The following ATF7IP2 variants were observed in gnomAD, a reference collection of about 807,000 sequenced individuals.
The protein encoded by ATF7IP2 is activating transcription factor 7 interacting protein 2, also known as activating transcription factor 7-interacting protein 2.
Under a neutral mutation model 64.2 loss-of-function variants are expected in ATF7IP2, and 42 were observed. The ratio of observed to expected loss-of-function variants is 0.65; its 90% CI spans 0.51 to 0.85. The LOEUF (loss-of-function observed/expected upper bound fraction) is 0.85. Among genes scored for constraint, ATF7IP2 ranks in the 40% least tolerant of loss-of-function variants. ATF7IP2 has a pLI of 0.00. For synonymous variants in ATF7IP2, 308 were observed against 272.8 expected, an observed-to-expected ratio of 1.13 and a Z score of -1.27; for missense variants, 933 against 784.2, an observed-to-expected ratio of 1.19 and a Z score of -2.27.
intron 8 of ATF7IP2, chr16:10,445,564 G>C (rs1192922172): frequency 6.6e-6 from 1 of 152,250 alleles, no homozygotes; most frequent in East Asian, 1.9e-4. Context: ...GAGTGCAATG[G>C]TGTGATCTTG....
At chr16:10,464,648 A>G (rs550030389) in intron 9 of ATF7IP2, among the ~76,000 whole-genome samples, 16 of 152,328 alleles carry the variant, frequency 1.1e-4, no homozygotes, top group South Asian at 2.1e-4. Flanking sequence ...CATTTCACCA[A>G]TACTGATTGA....
intron 1 of ATF7IP2, among the ~76,000 whole-genome samples, chr16:10,401,183 T>A (rs1432423993): frequency 6.6e-6 from 1 of 152,198 alleles, no homozygotes; most frequent in Non-Finnish European, 1.5e-5. Context: ...TTATTTATTT[T>A]TGAGATGGAG....
chr16:10,473,618 A>G (rs2049888927), intron 11 of ATF7IP2, 84 bp downstream of exon 11: 1 of 1,020,432 alleles, frequency 9.8e-7, no homozygotes, highest in African/African-American at 1.6e-5. Context: ...ATGTTGGATG[A>G]TTTAGTTTTA....
chr16:10,444,853 G>C (rs1185482742), intron 8 of ATF7IP2, among the ~76,000 whole-genome samples: 1 of 152,000 alleles, frequency 6.6e-6, no homozygotes, highest in African/African-American at 2.4e-5. Context: ...TCAAACCTGG[G>C]TACAATATTT....
intron 1 of ATF7IP2, among the ~76,000 whole-genome samples, chr16:10,407,814 CA>C (rs1255610297): frequency 1.3e-5 from 2 of 152,010 alleles, no homozygotes; most frequent in African/African-American, 2.4e-5. Flanking sequence ...CCCCATAGTT[CA>C]TTGTATCATT....
At position 10,480,699 on chromosome 16, in the gene ATF7IP2, AT is replaced by A. The variant is rs147399363; in HGVS notation, c.1550-176del. 7.9e-3 allele frequency among the ~76,000 whole-genome samples: 1,197 copies of A among 150,912 alleles called. 12 individuals are homozygous for A. The highest frequency in any genetic ancestry group is 0.027 in the African/African-American group (1,114 of 40,984). On this transcript the variant is annotated intron_variant, in intron 12 of 13. Transcript: ENST00000562102. ...AAGGGGAATTTTTGTCACCTTAAAA[AT>A]TTTCTATATTTGGTACCTCTGTATC...
chr16:10,468,587 G>A (rs1030196955), intron 9 of ATF7IP2, among the ~76,000 whole-genome samples: 1 of 152,212 alleles, frequency 6.6e-6, no homozygotes, highest in African/African-American at 2.4e-5. Context: ...TGGTCTTGCT[G>A]AGTTTAGGTC....
chr16:10,429,585 G>C (rs1376418634), intron 4 of ATF7IP2, among the ~76,000 whole-genome samples: 1 of 152,134 alleles, frequency 6.6e-6, no homozygotes, highest in Non-Finnish European at 1.5e-5. Flanking sequence ...CTGACCTCAG[G>C]TGATCCACCT....
chr16:10,392,427 G>C (rs765966799), intron 1 of ATF7IP2, among the ~76,000 whole-genome samples: 2 of 151,512 alleles, frequency 1.3e-5, no homozygotes, highest in Non-Finnish European at 2.9e-5. Flanking sequence ...CAGAGTGCTA[G>C]GATTACAGGT....
In ATF7IP2 at chr16:10,481,918, C is replaced by G; in HGVS notation, c.1718C>G (p.Thr573Arg). ...GAATTAGTAGACAAAACCCGAGACA[C>G]ACTTCCTCCCCAGAAGCCTGAGCTC... Reference protein sequence around the residue: ...LPELVDKTRDTLPPQKPELKV... With the variant: ...LPELVDKTRDRLPPQKPELKV... Residue 573 changes from threonine to arginine, a missense_variant, in exon 14 of 14, where the codon ACA (threonine) becomes AGA (arginine). Physicochemically the swap from Thr to Arg is moderately conservative, Grantham distance 71 (BLOSUM62 -1). Coordinates refer to ENST00000562102, the MANE Select transcript of ATF7IP2 (RefSeq NM_001393719.1). The G allele has an allele frequency of 6.2e-7, 1 of 1,614,044 alleles. No individual in the cohort carries two copies. The highest frequency in any genetic ancestry group is 8.5e-7 in the Non-Finnish European group (1 of 1,179,956).
At chr16:10,391,727 A>T (rs566569372) in intron 1 of ATF7IP2, among the ~76,000 whole-genome samples, 77 of 152,150 alleles carry the variant, frequency 5.1e-4, no homozygotes, top group Middle Eastern at 6.8e-3. Flanking sequence ...GTGAAACACT[A>T]TCTCTACTAA....
chr16:10,448,073 G>T (rs545398488), intron 8 of ATF7IP2: 1 of 152,340 alleles, frequency 6.6e-6, no homozygotes, highest in East Asian at 1.9e-4. Context: ...TCAAAGATCA[G>T]ATGGTTGTAG....
chr16:10,453,907 C>CT (rs2049075018), intron 8 of ATF7IP2: 1 of 152,294 alleles, frequency 6.6e-6, no homozygotes, highest in Non-Finnish European at 1.5e-5. Flanking sequence ...TCCCAAAGTC[C>CT]TGGGATTACA....
At position 10,482,423 on chromosome 16, in the gene ATF7IP2, A is replaced by G. The variant is rs1410828486; in HGVS notation, c.*174A>G. Reference sequence around the variant, plus strand: ...GTAATTTAATGAATTTCTGGTTTGTATTAAATATGTCCTTCCAATGGATAA... The same window carrying G: ...GTAATTTAATGAATTTCTGGTTTGTGTTAAATATGTCCTTCCAATGGATAA... On this transcript the variant is annotated 3_prime_UTR_variant, in exon 14 of 14. Transcript: ENST00000562102. The G allele has an allele frequency of 5.5e-6, 3 of 543,618 alleles. No homozygotes were observed. The allele number at this position is 543,618 out of a possible 1,614,324, so 33.7% of individuals were successfully genotyped here. A position where few individuals can be genotyped will look rare whatever the true frequency, so the allele number is the denominator to read the frequency against.
intron 1 of ATF7IP2, among the ~76,000 whole-genome samples, chr16:10,402,004 G>C (rs1044346217): frequency 2.6e-5 from 4 of 151,814 alleles, no homozygotes; most frequent in Non-Finnish European, 5.9e-5. Flanking sequence ...ACCTCTTCTT[G>C]GTTGGTGTAG....
At chr16:10,475,641 C>T (rs189540236) in intron 12 of ATF7IP2, among the ~76,000 whole-genome samples, 1 of 141,198 alleles carries the variant, frequency 7.1e-6, no homozygotes, top group African/African-American at 2.7e-5. Flanking sequence ...TGCAGTGAGC[C>T]GAGATCGCGC....
intron 6 of ATF7IP2, among the ~76,000 whole-genome samples, chr16:10,435,342 C>G (rs1168380389): frequency 1.3e-5 from 2 of 152,146 alleles, no homozygotes; most frequent in African/African-American, 4.8e-5. Context: ...CCTTTACAGT[C>G]TTAAGTTATT....
intron 1 of ATF7IP2, chr16:10,386,357 A>G (rs34047826): frequency 0.19 from 28,896 of 152,322 alleles, 2,985 homozygotes; most frequent in African/African-American, 0.26. Flanking sequence ...GCAGAGGGAT[A>G]CTGGTGAAGC....
intron 1 of ATF7IP2, among the ~76,000 whole-genome samples, chr16:10,403,583 G>A (rs1432640974): frequency 1.3e-5 from 2 of 152,062 alleles, no homozygotes; most frequent in Non-Finnish European, 2.9e-5. Context: ...CCCCTCAAAG[G>A]AACATAGGAA....
Sources: gnomAD v4.1 joint callset for allele counts (sites outside exome capture counted in the v4.1 genomes callset) on GRCh38, gnomAD v4.1.1 for gene constraint, MANE v1.5 for transcripts, NCBI Gene and HGNC (gene_info 2026-07-23, HGNC 2026-07-21) for gene names.